FGF14: variants seen among roughly 807,000 people sequenced by gnomAD.
The protein encoded by FGF14 is fibroblast growth factor homologous factor 4.
In FGF14, 5 loss-of-function variants were observed where a neutral mutation model predicts 25.5. That is an observed-to-expected ratio of 0.20 (90% CI 0.10 to 0.41). The LOEUF (loss-of-function observed/expected upper bound fraction) is 0.41. Ranked by LOEUF, FGF14 falls within the 10% of genes least tolerant of loss-of-function variation. The pLI is 1.00. For synonymous variants in FGF14, 138 were observed against 118.3 expected, an observed-to-expected ratio of 1.17 and a Z score of -1.08; for missense variants, 222 against 320.1, an observed-to-expected ratio of 0.69 and a Z score of 2.34.
intron 1 of FGF14, among the ~76,000 whole-genome samples, chr13:101,982,270 T>C (rs1455136516): frequency 7.9e-5 from 12 of 152,346 alleles, no homozygotes; most frequent in African/African-American, 1.4e-4. Flanking sequence ...TTTTAAATTA[T>C]GCTTTTCTAT....
rs565477441 is a variant in FGF14 at position 102,316,965 on chromosome 13, G to C, written c.208+84506C>G. Among the ~76,000 whole-genome samples, 3 of 152,140 alleles carry C rather than the reference G, an allele frequency of 2.0e-5. No individual in the cohort carries two copies. The East Asian group carries it at 5.8e-4, about 29-fold the overall frequency. ...AGTAAATTCACCTCATGATACTCAT[G>C]ATACTTCTTTTGATTGTATGGCTTT... On this transcript the variant is annotated intron_variant, in intron 1 of 4. Transcript: ENST00000376131.
chr13:102,244,653 G>T (rs2051770707), intron 1 of FGF14, among the ~76,000 whole-genome samples: 1 of 151,940 alleles, frequency 6.6e-6, no homozygotes, highest in African/African-American at 2.4e-5. Flanking sequence ...GAAGATCAGG[G>T]TGCCATTTTA....
chr13:102,394,588 T>C (rs555304378), intron 1 of FGF14: 2 of 152,302 alleles, frequency 1.3e-5, no homozygotes, highest in South Asian at 2.1e-4. Flanking sequence ...AACGGAAACT[T>C]CCCGCGCTAC....
At chr13:101,959,583 A>G (rs138203558) in intron 1 of FGF14, among the ~76,000 whole-genome samples, 1 of 152,234 alleles carries the variant, frequency 6.6e-6, no homozygotes, top group African/African-American at 2.4e-5. Context: ...TGTTATTCCA[A>G]CTTGGAGTTT....
chr13:102,046,516 C>A (rs79573473), intron 1 of FGF14, among the ~76,000 whole-genome samples: 1,975 of 152,084 alleles, frequency 0.013, 45 homozygotes, highest in African/African-American at 0.046. Context: ...GTATAGCTAC[C>A]CAGGGTTAAA....
rs377751501 is a variant in FGF14, at chr13:102,316,347, A to G, written c.208+85124T>C. Among the ~76,000 whole-genome samples, 252 of 152,368 alleles carry G rather than the reference A, an allele frequency of 1.7e-3. 2 individuals carry two copies. The highest frequency in any genetic ancestry group is 5.6e-3 in the African/African-American group (232 of 41,590). ...CACATCAAGGGTTGAACATTCAACAAAAATGTGGTAAGTTGATGGGGTGAC... is the reference window on the plus strand; with the variant it reads ...CACATCAAGGGTTGAACATTCAACAGAAATGTGGTAAGTTGATGGGGTGAC... On this transcript the variant is annotated intron_variant, in intron 1 of 4. Transcript: ENST00000376131.
chr13:102,162,987 T>G (rs941413935), intron 1 of FGF14, among the ~76,000 whole-genome samples: 1 of 152,140 alleles, frequency 6.6e-6, no homozygotes, highest in African/African-American at 2.4e-5. Flanking sequence ...GAGAAACCTA[T>G]CTGATTGGAA....
At chr13:101,863,376 G>A (rs1362709089) in intron 3 of FGF14, among the ~76,000 whole-genome samples, 1 of 152,166 alleles carries the variant, frequency 6.6e-6, no homozygotes, top group African/African-American at 2.4e-5. Flanking sequence ...GCCTGCAATG[G>A]ATGTTGATGG....
intron 3 of FGF14, among the ~76,000 whole-genome samples, chr13:101,837,391 C>T (rs543417429): frequency 6.6e-6 from 1 of 151,996 alleles, no homozygotes; most frequent in Non-Finnish European, 1.5e-5. Flanking sequence ...GGAATTGCTA[C>T]CTTAAGTCTC....
intron 1 of FGF14, among the ~76,000 whole-genome samples, chr13:102,106,830 T>C (rs2044948426): frequency 6.6e-6 from 1 of 152,240 alleles, no homozygotes; most frequent in African/African-American, 2.4e-5. Flanking sequence ...TTATGGCTTG[T>C]AGTTTATAAA....
chr13:101,861,839 C>T (rs142379788), intron 3 of FGF14, among the ~76,000 whole-genome samples: 1,596 of 152,230 alleles, frequency 0.01, 27 homozygotes, highest in African/African-American at 0.036. Flanking sequence ...TATCCTCATT[C>T]GGATAACTGC....
rs143572998 is a variant in FGF14 at position 102,150,077 on chromosome 13, G to A, written c.208+251394C>T. ...GGGAAAATGCTACCCCAGTTGAAGCGGAGTAAGACAGTGGAAAGAGCATTG... is the reference window on the plus strand; with the variant it reads ...GGGAAAATGCTACCCCAGTTGAAGCAGAGTAAGACAGTGGAAAGAGCATTG... On this transcript the variant is annotated intron_variant, in intron 1 of 4. Coordinates refer to the FGF14 transcript ENST00000376131. 2.2e-3 allele frequency among the ~76,000 whole-genome samples: 339 copies of A among 152,218 alleles called. 1 individual carries two copies. The highest frequency in any genetic ancestry group is 0.014 in the Middle Eastern group (4 of 292).
At chr13:102,367,060 T>A (rs1021003209) in intron 1 of FGF14, among the ~76,000 whole-genome samples, 3 of 152,206 alleles carry the variant, frequency 2.0e-5, no homozygotes, top group Non-Finnish European at 4.4e-5. Context: ...TGTTATCTAT[T>A]ACCACATAAT....
chr13:101,912,694 T>C (rs2033070402), intron 1 of FGF14, among the ~76,000 whole-genome samples: 1 of 152,162 alleles, frequency 6.6e-6, no homozygotes, highest in Non-Finnish European at 1.5e-5. Flanking sequence ...CCCACAAATA[T>C]GTAATCCCTC....
At chr13:102,052,222 A>C (rs749414135) in intron 1 of FGF14, among the ~76,000 whole-genome samples, 1 of 152,124 alleles carries the variant, frequency 6.6e-6, no homozygotes, top group Non-Finnish European at 1.5e-5. Flanking sequence ...GAAAAACAAC[A>C]AAAAGGAATA....
At chr13:102,395,194 C>A (rs1049231572) in intron 1 of FGF14, 8 of 152,178 alleles carry the variant, frequency 5.3e-5, no homozygotes, top group African/African-American at 1.7e-4. Flanking sequence ...AATGAGAGTT[C>A]CAGTTACCAT....
intron 1 of FGF14, among the ~76,000 whole-genome samples, chr13:102,320,819 G>A (rs1219992446): frequency 6.6e-6 from 1 of 152,184 alleles, no homozygotes; most frequent in Non-Finnish European, 1.5e-5. Flanking sequence ...AGAATGGATA[G>A]TGAATGTTCA....
intron 1 of FGF14, among the ~76,000 whole-genome samples, chr13:101,893,388 T>G (rs1423711188): frequency 3.9e-5 from 6 of 152,184 alleles, no homozygotes; most frequent in Non-Finnish European, 4.4e-5. Context: ...TATGTGTCCA[T>G]GTGATTGCTT....
chr13:101,722,425 A>G lies in FGF14; in HGVS notation c.*406T>C, dbSNP rs909243333. The G allele has an allele frequency of 6.2e-5, 19 of 307,690 alleles. No individual in the cohort carries two copies. The highest frequency in any genetic ancestry group is 3.7e-4 in the African/African-American group (17 of 46,188). The allele number at this position is 307,690 out of a possible 1,614,324, so 19.1% of individuals were successfully genotyped here. On this transcript the variant is annotated 3_prime_UTR_variant, in exon 5 of 5. Transcript: ENST00000376143. ...ACAGCGTCTAACTAGAAATTACTCA[A>G]TATTATTTGTGTGCTACAAAATTGA...
Sources: allele counts gnomAD v4.1 joint callset (sites outside exome capture counted in the v4.1 genomes callset), GRCh38; gene constraint gnomAD v4.1.1; transcripts MANE v1.5; gene names NCBI Gene and HGNC (gene_info 2026-07-23, HGNC 2026-07-21).